FYCO1: variants seen among roughly 807,000 people sequenced by gnomAD.
FYCO1 encodes the protein FYVE and coiled-coil domain autophagy adaptor 1, also known as FYVE and coiled-coil domain-containing protein 1.
A neutral mutation model predicts 165.1 loss-of-function variants in FYCO1; 122 were observed. The observed-to-expected ratio is 0.74, with a 90% confidence interval of 0.64 to 0.86. The LOEUF is 0.86. Among genes scored for constraint, FYCO1 ranks in the 40% least tolerant of loss-of-function variants. The pLI is 0.00. For synonymous variants in FYCO1, 648 were observed against 742.5 expected (o/e 0.87, Z 2.07); for missense variants, 1,702 against 1,810.3 (o/e 0.94, Z 1.09).
chr3:45,926,390 T>A (rs1703318737), intron 16 of FYCO1, among the ~76,000 whole-genome samples: 1 of 152,214 alleles, frequency 6.6e-6, no homozygotes, highest in Non-Finnish European at 1.5e-5. Flanking sequence ...AACACAGCTT[T>A]TATATCAAAG....
intron 14 of FYCO1, chr3:45,944,968 T>A (rs1704491098): frequency 6.6e-6 from 1 of 152,236 alleles, no homozygotes; most frequent in African/African-American, 2.4e-5. Flanking sequence ...GGATGTCTAC[T>A]GGCTGACCTA....
chr3:45,965,570 C>T (rs911543620), intron 8 of FYCO1, among the ~76,000 whole-genome samples: 1 of 152,242 alleles, frequency 6.6e-6, no homozygotes, highest in Non-Finnish European at 1.5e-5. Context: ...AACCCCTCAT[C>T]TTTGTGTACT....
At position 45,968,707 on chromosome 3, in the gene FYCO1, G is replaced by A. The variant is rs1456356408; in HGVS notation, c.631-4C>T. On this transcript the variant is annotated splice_region_variant and splice_polypyrimidine_tract_variant and intron_variant, in intron 7 of 17. Coordinates refer to ENST00000296137, the MANE Select transcript of FYCO1 (RefSeq NM_024513.4). ...AGTTGGACACCATCTCTTGAGTCTG[G>A]GAGGGAAAACACAAAAGACAAGTGG... is the stretch of plus-strand genomic sequence containing the variant. The A allele has an allele frequency of 6.2e-7, 1 of 1,614,064 alleles. No homozygotes were observed. The highest frequency in any genetic ancestry group is 8.5e-7 in the Non-Finnish European group (1 of 1,180,040).
intron 14 of FYCO1, among the ~76,000 whole-genome samples, chr3:45,954,221 G>GGA (rs1705191051): frequency 1.3e-5 from 2 of 151,594 alleles, no homozygotes; most frequent in Admixed American, 1.3e-4. Context: ...TTTTTTGGGG[G>GGA]GGGTAAGGCG....
intron 13 of FYCO1, among the ~76,000 whole-genome samples, chr3:45,956,651 C>G (rs1194146417): frequency 6.6e-6 from 1 of 151,812 alleles, no homozygotes; most frequent in East Asian, 1.9e-4. Context: ...TTTTTTCCAT[C>G]AATTCAGCCA....
chr3:45,971,708 A>C (rs148823407), intron 6 of FYCO1, among the ~76,000 whole-genome samples: 277 of 152,372 alleles, frequency 1.8e-3, no homozygotes, highest in African/African-American at 6.3e-3. Context: ...ATGTTATGAA[A>C]GACAAAGACT....
intron 1 of FYCO1, among the ~76,000 whole-genome samples, chr3:45,994,220 A>C (rs77271923): frequency 8.9e-5 from 2 of 22,488 alleles, no homozygotes; most frequent in Admixed American, 9.9e-4. Flanking sequence ...AGTAACTGCA[A>C]AAAAAAAAAA....
rs1459885318 is a variant in FYCO1, at chr3:45,966,792, A to C, written c.2542T>G (p.Cys848Gly). The C allele has an allele frequency of 7.5e-6, 12 of 1,609,936 alleles. No individual in the cohort carries two copies. The highest frequency in any genetic ancestry group is 1.0e-5 in the Non-Finnish European group (12 of 1,179,980). ...NRAHVQELLQCSEREGALQEE... is the reference protein window; with the variant it reads ...NRAHVQELLQGSEREGALQEE... ...TGCAGTGCCCCTTCACGCTCCGAGCATTGCAGCAGCTCCTGGACATGGGCT... is the reference window on the plus strand; with the variant it reads ...TGCAGTGCCCCTTCACGCTCCGAGCCTTGCAGCAGCTCCTGGACATGGGCT... Residue 848 changes from cysteine (C) to glycine (G), a missense_variant, in exon 8 of 18, where the codon TGC becomes GGC. Cys to Gly is a radical substitution (Grantham distance 159, BLOSUM62 -3). Transcript: ENST00000296137.
At chr3:45,922,658 C>T (rs547548794) in intron 17 of FYCO1, among the ~76,000 whole-genome samples, 19 of 152,196 alleles carry the variant, frequency 1.2e-4, no homozygotes, top group African/African-American at 3.6e-4. Flanking sequence ...TGGGAGTGTA[C>T]GGAGGGGCAG....
At chr3:45,954,577 G>T (rs1705209305) in intron 14 of FYCO1, among the ~76,000 whole-genome samples, 2 of 152,178 alleles carry the variant, frequency 1.3e-5, no homozygotes, top group South Asian at 4.1e-4. Flanking sequence ...GCCCAGCAAG[G>T]GTTGCTGTTA....
At chr3:45,922,977 A>T (rs1221913343) in intron 17 of FYCO1, among the ~76,000 whole-genome samples, 1 of 152,082 alleles carries the variant, frequency 6.6e-6, no homozygotes, top group South Asian at 2.1e-4. Context: ...CCCTCTCCAA[A>T]TGATTGGCAG....
Position 45,958,517 on chromosome 3 carries a change from G to A in FYCO1, c.3690C>T (p.Leu1230=). 1 of 1,614,222 alleles carries A rather than the reference G, an allele frequency of 6.2e-7. No individual in the cohort carries two copies. The highest frequency in any genetic ancestry group is 1.3e-5 in the African/African-American group (1 of 75,074). ...TATCAGGGGAGCCAGGGCCTTCACT[G>A]AGCTTCTGGAAACAGGCTCGGCAGC... ...ERCCRACFQK[L]SEGPGSPDSS... Residue 1230 remains leucine, a synonymous_variant, in exon 13 of 18, where the codon CTC becomes CTT. Transcript: ENST00000296137.
intron 14 of FYCO1, chr3:45,947,461 CTT>C (rs752005167): frequency 6.2e-7 from 1 of 1,614,172 alleles, no homozygotes; most frequent in Admixed American, 1.7e-5. Context: ...AATTCCAAGA[CTT>C]TTTCTGCCTC....
chr3:45,946,627 A>T, intron 14 of FYCO1: 3 of 1,613,652 alleles, frequency 1.9e-6, no homozygotes, highest in Non-Finnish European at 2.5e-6. Flanking sequence ...CTGGTGGGGA[A>T]CTCTCTGGTG....
At position 45,966,450 on chromosome 3, in the gene FYCO1, G is replaced by A. The variant is rs1163826407; in HGVS notation, c.2884C>T (p.Gln962Ter). ...AGLQQEKESL[Q>*]EKLKAAKAAA... ...GCCTTGGCCGCCTTCAGCTTCTCCT[G>A]CAAGCTCTCCTTCTCTTGCTGCAGC... Residue 962 changes from glutamine (Q) to a stop codon, truncating the protein, a stop_gained, in exon 8 of 18, where the codon CAG (glutamine) becomes TAG (stop). Transcript: ENST00000296137. LOFTEE classifies it high-confidence loss of function. 16 of 1,611,780 alleles carry A rather than the reference G, an allele frequency of 9.9e-6. No homozygotes were observed. The highest frequency in any genetic ancestry group is 1.4e-5 in the Non-Finnish European group (16 of 1,178,308).
intron 14 of FYCO1, among the ~76,000 whole-genome samples, chr3:45,950,645 T>G (rs1704954743): frequency 6.6e-6 from 1 of 152,178 alleles, no homozygotes; most frequent in Non-Finnish European, 1.5e-5. Context: ...TGCCATTTTG[T>G]AGAAGGCCTG....
chr3:45,932,340 G>A (rs908190087), intron 15 of FYCO1, among the ~76,000 whole-genome samples: 1 of 152,228 alleles, frequency 6.6e-6, no homozygotes, highest in African/African-American at 2.4e-5. Flanking sequence ...CTGTGAAATG[G>A]GAAGGTGGCG....
chr3:45,971,174 C>A (rs1706424367), intron 6 of FYCO1, among the ~76,000 whole-genome samples: 3 of 152,032 alleles, frequency 2.0e-5, no homozygotes, highest in Non-Finnish European at 4.4e-5. Flanking sequence ...TGACAGAATG[C>A]AACCTATTGA....
chr3:45,951,955 C>T (rs1166264469), intron 14 of FYCO1, among the ~76,000 whole-genome samples: 1 of 152,180 alleles, frequency 6.6e-6, no homozygotes, highest in Non-Finnish European at 1.5e-5. Flanking sequence ...GGGAGATGGG[C>T]AAAATGCGGA....
Sources: allele counts gnomAD v4.1 joint callset (sites outside exome capture counted in the v4.1 genomes callset), GRCh38; gene constraint gnomAD v4.1.1; transcripts MANE v1.5; gene names NCBI Gene and HGNC (gene_info 2026-07-23, HGNC 2026-07-21).